Variants in ADHFE1 observed in about 807,000 individuals in gnomAD.
The protein encoded by ADHFE1 is alcohol dehydrogenase iron containing 1.
Under a neutral mutation model 54.8 loss-of-function variants are expected in ADHFE1, and 37 were observed. The ratio of observed to expected loss-of-function variants is 0.68; its 90% confidence interval spans 0.52 to 0.89. The LOEUF (loss-of-function observed/expected upper bound fraction) is 0.89, where lower values mean the gene tolerates loss of function less well. ADHFE1 is among the 40% of genes least tolerant of loss of function. The pLI is 0.00. For synonymous variants in ADHFE1, 203 were observed against 229.3 expected (o/e 0.89, Z 1.04); for missense variants, 601 against 591.2 (o/e 1.02, Z -0.17).
At position 66,444,604 on chromosome 8, in the gene ADHFE1, A is replaced by T; in HGVS notation, c.209A>T (p.Asn70Ile). ...VTKEVGMDLK[N>I]MGAKNVCLMT... ...TAGGTTTTCTTGTAGGACCTAAAAA[A>T]CATGGGTGCTAAAAATGTGTGCTTG... The change falls in exon 5 of 14, where the codon AAC (asparagine) becomes ATC (isoleucine). Residue 70 changes from asparagine (N) to isoleucine (I), a missense_variant. By Grantham distance (149) the Asn-to-Ile change is moderately radical. Coordinates refer to ENST00000396623, the MANE Select transcript of ADHFE1 (RefSeq NM_144650.3). 6.2e-7 allele frequency: 1 copy of T among 1,614,172 alleles called. No homozygotes were observed. The highest frequency in any genetic ancestry group is 8.5e-7 in the Non-Finnish European group (1 of 1,180,032).
chr8:66,452,301 A>G (rs533858205), intron 9 of ADHFE1, among the ~76,000 whole-genome samples, 196 bp downstream of exon 9: 12 of 152,362 alleles, frequency 7.9e-5, no homozygotes, highest in Admixed American at 2.0e-4. Flanking sequence ...TGGGTCCTTC[A>G]GTCCCTAAAA....
At position 66,468,352 on chromosome 8, in the gene ADHFE1, A is replaced by G. The variant is rs1554566592; in HGVS notation, c.1404A>G (p.Ter468=). 1.2e-6 allele frequency: 2 copies of G among 1,611,448 alleles called. No individual in the cohort carries two copies. Among genetic ancestry groups the G allele is most frequent in the Non-Finnish European group, 1.7e-6 (2 of 1,178,616 alleles). Residue 468 remains the stop codon, a stop_retained_variant, in exon 14 of 14, where the codon TAA becomes TAG. Transcript: ENST00000396623. ...TTGAAGCTTCAATGAAACTGTATTA[A>G]TTGTCATTTTAACTGAAAGAATTAC... ...ALFEASMKLY[*] is the part of the protein sequence containing the mutation.
At chr8:66,453,962 C>G in intron 9 of ADHFE1, 97 bp from the exon 10 acceptor site, 1 of 1,532,298 alleles carries the variant, frequency 6.5e-7, no homozygotes. Flanking sequence ...AGTAGCATTT[C>G]TTTTTTTTTC....
Position 66,439,383 on chromosome 8 carries a change from A to G in ADHFE1, c.60-779A>G. 1.0e-6 allele frequency: 1 copy of G among 985,812 alleles called. No homozygotes were observed. The highest frequency in any genetic ancestry group is 1.2e-6 in the Non-Finnish European group (1 of 830,138). The allele number at this position is 985,812 out of a possible 1,614,324, so 61.1% of individuals were successfully genotyped here. A position where few individuals can be genotyped will look rare whatever the true frequency, so the allele number is the denominator to read the frequency against. On this transcript the variant is annotated intron_variant, in intron 1 of 13. Coordinates refer to ENST00000396623, the MANE Select transcript of ADHFE1 (RefSeq NM_144650.3). The surrounding 1 kb of genome is among the most constrained non-coding windows in gnomAD (Gnocchi z 4.4). The stretch of plus-strand genomic sequence containing the variant: ...AGAGCGAGCAGGAGAAAGAGAAGCC[A>G]GAGGAGAGACTGGGACTGTCCAGGA...
intron 1 of ADHFE1, among the ~76,000 whole-genome samples, chr8:66,435,917 T>C (rs924477376): frequency 7.0e-6 from 1 of 143,134 alleles, no homozygotes; most frequent in Non-Finnish European, 1.5e-5. Flanking sequence ...CAAGATTCTT[T>C]TTTTTTTTTT....
At position 66,451,960 on chromosome 8, in the gene ADHFE1, C is replaced by G. The variant is rs1413704219; in HGVS notation, c.742C>G (p.Leu248Val). 3 of 1,614,006 alleles carry G rather than the reference C, an allele frequency of 1.9e-6. No individual in the cohort carries two copies. In the Admixed American group the frequency reaches 5.0e-5, roughly 27 times the overall value. ...NSGFDVLCHALESYTTLPYHL... is the reference protein window; with the variant it reads ...NSGFDVLCHAVESYTTLPYHL... ...TTCAATATTTCTTTTTAGCCATGCCCTGGAGTCATACACCACCCTGCCCTA... is the reference window on the plus strand; with the variant it reads ...TTCAATATTTCTTTTTAGCCATGCCGTGGAGTCATACACCACCCTGCCCTA... The change falls in exon 9 of 14, where the codon CTG (leucine) becomes GTG (valine). Residue 248 changes from leucine (L) to valine (V), a missense_variant. By Grantham distance (32) the Leu-to-Val change is conservative (BLOSUM62 1). Coordinates refer to ENST00000396623, the MANE Select transcript of ADHFE1 (RefSeq NM_144650.3).
In ADHFE1 at chr8:66,468,413, C is replaced by A. The variant is rs1563497856; in HGVS notation, c.*61C>A. On this transcript the variant is annotated 3_prime_UTR_variant, in exon 14 of 14. Transcript: ENST00000396623. The stretch of plus-strand genomic sequence containing the variant: ...TGTAGTGCTGAGAGCAAGAGCTGAT[C>A]TAGCTAGGGCTTTGTCTTTTCATCT... 1 of 1,368,468 alleles carries A rather than the reference C, an allele frequency of 7.3e-7. No individual in the cohort carries two copies. The highest frequency in any genetic ancestry group is 1.0e-6 in the Non-Finnish European group (1 of 988,662). The allele number at this position is 1,368,468 out of a possible 1,614,324, so 84.8% of individuals were successfully genotyped here. A position where few individuals can be genotyped will look rare whatever the true frequency, so the allele number is the denominator to read the frequency against.
chr8:66,445,749 G>T (rs1275043761), intron 6 of ADHFE1, among the ~76,000 whole-genome samples: 1 of 152,200 alleles, frequency 6.6e-6, no homozygotes, highest in African/African-American at 2.4e-5. Flanking sequence ...GTCCCATTTT[G>T]CCAGCCACTG....
chr8:66,460,226 G>T, intron 12 of ADHFE1, 82 bp from the exon 13 acceptor site: 1 of 1,547,896 alleles, frequency 6.5e-7, no homozygotes. Flanking sequence ...TGTGCATGGT[G>T]TATTCACTGA....
intron 6 of ADHFE1, among the ~76,000 whole-genome samples, chr8:66,446,171 A>G (rs561220753): frequency 9.9e-5 from 15 of 152,266 alleles, no homozygotes; most frequent in African/African-American, 3.6e-4. Flanking sequence ...TGGCAGATGA[A>G]CTGCTGTGTT....
intron 2 of ADHFE1, 134 bp from the exon 3 acceptor site, chr8:66,442,664 G>A: frequency 1.3e-6 from 1 of 784,986 alleles, no homozygotes; most frequent in Non-Finnish European, 2.1e-6. Context: ...ATGTGCAACA[G>A]TGAAACCTGG....
intron 8 of ADHFE1, among the ~76,000 whole-genome samples, chr8:66,449,687 T>G (rs897128401): frequency 3.9e-5 from 6 of 152,190 alleles, no homozygotes; most frequent in African/African-American, 1.4e-4. Context: ...GCACTTCACA[T>G]TCAGCATGTG....
chr8:66,468,010 T>C (rs1449760677), intron 13 of ADHFE1, among the ~76,000 whole-genome samples: 2 of 152,166 alleles, frequency 1.3e-5, no homozygotes, highest in African/African-American at 4.8e-5. Flanking sequence ...TCCCCAAGAT[T>C]GGTTTCGGCA....
At chr8:66,450,612 T>C (rs1299831349) in intron 8 of ADHFE1, among the ~76,000 whole-genome samples, 3 of 152,270 alleles carry the variant, frequency 2.0e-5, no homozygotes, top group Non-Finnish European at 4.4e-5. Flanking sequence ...GTTATATTTC[T>C]TGTCATAAAG....
intron 12 of ADHFE1, among the ~76,000 whole-genome samples, chr8:66,458,740 A>G (rs1313128825): frequency 6.6e-6 from 1 of 152,214 alleles, no homozygotes; most frequent in Non-Finnish European, 1.5e-5. Flanking sequence ...CACACGATGA[A>G]ATATTTTGAT....
chr8:66,448,062 C>G (rs569313632), intron 7 of ADHFE1, among the ~76,000 whole-genome samples: 2 of 152,330 alleles, frequency 1.3e-5, no homozygotes, highest in African/African-American at 4.8e-5. Flanking sequence ...CCCAGCCAAT[C>G]CCTCCAGTCC....
intron 6 of ADHFE1, among the ~76,000 whole-genome samples, chr8:66,445,841 C>G (rs1192611493): frequency 6.6e-6 from 1 of 152,164 alleles, no homozygotes; most frequent in Non-Finnish European, 1.5e-5. Context: ...TTCAGCTGAC[C>G]TCAGGCTTTG....
rs1237742616 is a variant in ADHFE1, at chr8:66,439,271, C to T, written c.60-891C>T. On this transcript the variant is annotated intron_variant, in intron 1 of 13. Coordinates refer to ENST00000396623, the MANE Select transcript of ADHFE1 (RefSeq NM_144650.3). This position sits in a 1 kb window ranked among gnomAD's most constrained non-coding sequence, Gnocchi z 4.4. Reference sequence around the variant, plus strand: ...TTGGCGGGGAGAAGGAAGTGATGCACTCAAGTATCTACCGAGACCCAACCA... The same window carrying T: ...TTGGCGGGGAGAAGGAAGTGATGCATTCAAGTATCTACCGAGACCCAACCA... The T allele has an allele frequency of 2.0e-6, 2 of 985,334 alleles. No individual in the cohort carries two copies. The highest frequency in any genetic ancestry group is 1.1e-4 in the East Asian group (1 of 8,820). 61.0% of individuals were successfully genotyped at this position (985,334 alleles called of 1,614,324 possible).
intron 6 of ADHFE1, among the ~76,000 whole-genome samples, chr8:66,446,818 TATAC>T (rs1806058873): frequency 6.6e-6 from 1 of 152,156 alleles, no homozygotes; most frequent in Admixed American, 6.5e-5. Context: ...ACATATTAAA[TATAC>T]ATACATATTA....
Sources: gnomAD v4.1 joint callset for allele counts (sites outside exome capture counted in the v4.1 genomes callset) on GRCh38, gnomAD v4.1.1 for gene constraint, Gnocchi (gnomAD v3.1) non-coding constraint, MANE v1.5 for transcripts, NCBI Gene and HGNC (gene_info 2026-07-23, HGNC 2026-07-21) for gene names.